Variants in RAB31 observed in about 807,000 individuals in gnomAD.
RAB31 encodes ras-related protein Rab-31.
In RAB31, 21 loss-of-function variants were observed where a neutral mutation model predicts 25.6. The ratio of observed to expected loss-of-function variants is 0.82; its 90% CI spans 0.58 to 1.18. The LOEUF (loss-of-function observed/expected upper bound fraction) is 1.18. RAB31 is among the 50% of genes most tolerant of loss of function. The pLI is 0.00. For missense variants in RAB31, 196 were observed against 250.1 expected (o/e 0.78, Z 1.46); for synonymous variants, 87 against 84.0 (o/e 1.04, Z -0.20).
At chr18:9,710,663 G>A (rs1325877164) in intron 1 of RAB31, among the ~76,000 whole-genome samples, 2 of 152,030 alleles carry the variant, frequency 1.3e-5, no homozygotes, top group Non-Finnish European at 2.9e-5. Context: ...GACCAGCCTG[G>A]CCAACATGGT....
intron 1 of RAB31, among the ~76,000 whole-genome samples, chr18:9,747,974 A>G (rs1009155993): frequency 6.6e-6 from 1 of 152,234 alleles, no homozygotes; most frequent in Non-Finnish European, 1.5e-5. Flanking sequence ...CATGGCACAT[A>G]TAACACCTAC....
intron 2 of RAB31, 102 bp from the exon 3 acceptor site, chr18:9,792,052 T>G: frequency 6.9e-7 from 1 of 1,455,326 alleles, no homozygotes; most frequent in Non-Finnish European, 9.2e-7. Context: ...GGACCAGGGC[T>G]TTTTGGGGTC....
At chr18:9,804,611 A>T (rs1228648668) in intron 3 of RAB31, among the ~76,000 whole-genome samples, 6 of 152,174 alleles carry the variant, frequency 3.9e-5, no homozygotes, top group African/African-American at 7.2e-5. Context: ...TCTGGCTAAA[A>T]TACAGTAGAA....
chr18:9,732,519 G>A (rs966350464), intron 1 of RAB31, among the ~76,000 whole-genome samples: 1 of 152,234 alleles, frequency 6.6e-6, no homozygotes, highest in Non-Finnish European at 1.5e-5. Context: ...GTGTGGGCAT[G>A]CAGTGAGGTG....
chr18:9,754,122 G>T (rs902031327), intron 1 of RAB31, among the ~76,000 whole-genome samples: 2 of 152,092 alleles, frequency 1.3e-5, no homozygotes, highest in Non-Finnish European at 2.9e-5. Flanking sequence ...AAACCTTGAG[G>T]TCTAGCACTA....
intron 3 of RAB31, among the ~76,000 whole-genome samples, chr18:9,812,089 G>A (rs932107560): frequency 2.0e-5 from 3 of 152,160 alleles, no homozygotes; most frequent in African/African-American, 7.2e-5. Context: ...AGGGCAGGGA[G>A]AGAAGGGAGA....
At chr18:9,748,420 C>A (rs531452654) in intron 1 of RAB31, among the ~76,000 whole-genome samples, 2 of 152,036 alleles carry the variant, frequency 1.3e-5, no homozygotes, top group African/African-American at 4.8e-5. Flanking sequence ...GTGGGAGGAT[C>A]GCTTGAGCCC....
chr18:9,771,823 T>C (rs1296809539), intron 1 of RAB31, among the ~76,000 whole-genome samples: 1 of 152,250 alleles, frequency 6.6e-6, no homozygotes, highest in Non-Finnish European at 1.5e-5. Flanking sequence ...GTCTATCCTT[T>C]CGTCCTGTTA....
chr18:9,836,979 G>A (rs770566504), intron 5 of RAB31, among the ~76,000 whole-genome samples: 10 of 150,572 alleles, frequency 6.6e-5, no homozygotes, highest in Non-Finnish European at 1.5e-4. Flanking sequence ...CAGTGTGTGA[G>A]GAACGGGGTG....
intron 1 of RAB31, among the ~76,000 whole-genome samples, chr18:9,774,485 C>T (rs1340470795): frequency 6.6e-6 from 1 of 152,192 alleles, no homozygotes; most frequent in Non-Finnish European, 1.5e-5. Context: ...ATTGGCTTCT[C>T]TCCCTGCCAG....
chr18:9,828,943 G>A (rs1025453584), intron 5 of RAB31, among the ~76,000 whole-genome samples: 2 of 152,258 alleles, frequency 1.3e-5, no homozygotes, highest in Admixed American at 6.5e-5. Flanking sequence ...GTGCCTGTCC[G>A]TGTTCTGCGA....
chr18:9,798,546 T>C (rs183746188), intron 3 of RAB31, among the ~76,000 whole-genome samples: 37 of 152,270 alleles, frequency 2.4e-4, no homozygotes, highest in African/African-American at 8.7e-4. Flanking sequence ...TTTTCATAAT[T>C]TTAAACAAAC....
chr18:9,748,338 T>A (rs1441141607), intron 1 of RAB31, among the ~76,000 whole-genome samples: 1 of 151,292 alleles, frequency 6.6e-6, no homozygotes, highest in East Asian at 2.0e-4. Flanking sequence ...CTCTACCCCC[T>A]ACCCCCAAAT....
At chr18:9,824,748 C>G (rs1300098890) in intron 5 of RAB31, among the ~76,000 whole-genome samples, 1 of 152,208 alleles carries the variant, frequency 6.6e-6, no homozygotes, top group African/African-American at 2.4e-5. Context: ...CAGGTACACT[C>G]AGGATTTTTA....
chr18:9,750,130 G>C (rs1331188716), intron 1 of RAB31, among the ~76,000 whole-genome samples: 1 of 151,822 alleles, frequency 6.6e-6, no homozygotes, highest in East Asian at 1.9e-4. Flanking sequence ...TGGGCAGCGA[G>C]ATGGTTGTCT....
At chr18:9,811,117 C>T (rs953216830) in intron 3 of RAB31, among the ~76,000 whole-genome samples, 2 of 152,184 alleles carry the variant, frequency 1.3e-5, no homozygotes, top group Non-Finnish European at 1.5e-5. Context: ...TGGCAAATGT[C>T]GCTGTCCCCA....
At chr18:9,768,800 G>A (rs555484498) in intron 1 of RAB31, among the ~76,000 whole-genome samples, 1 of 152,208 alleles carries the variant, frequency 6.6e-6, no homozygotes, top group African/African-American at 2.4e-5. Flanking sequence ...GTATTGCCTA[G>A]GTTTCTTCTA....
intron 1 of RAB31, among the ~76,000 whole-genome samples, chr18:9,712,675 G>A (rs1273921319): frequency 2.0e-5 from 3 of 152,198 alleles, no homozygotes; most frequent in Admixed American, 6.5e-5. Context: ...TGGGGAGGAG[G>A]AGAAAGAGAA....
At chr18:9,741,715 A>T (rs1269243246) in intron 1 of RAB31, among the ~76,000 whole-genome samples, 2 of 152,208 alleles carry the variant, frequency 1.3e-5, no homozygotes, top group African/African-American at 4.8e-5. Context: ...GGCCACTGCT[A>T]GGCTGTCCTG....
Sources: allele counts gnomAD v4.1 joint callset (sites outside exome capture counted in the v4.1 genomes callset), GRCh38; gene constraint gnomAD v4.1.1; transcripts MANE v1.5; gene names NCBI Gene and HGNC (gene_info 2026-07-23, HGNC 2026-07-21).